SMC3: variants seen among roughly 807,000 people sequenced by gnomAD.
The protein encoded by SMC3 is structural maintenance of chromosomes 3.
A neutral mutation model predicts 171.8 loss-of-function variants in SMC3; 20 were observed. The ratio of observed to expected loss-of-function variants is 0.12; its 90% CI spans 0.08 to 0.17. The LOEUF is 0.17. SMC3 is among the 10% of genes least tolerant of loss of function. The pLI, the probability that SMC3 is intolerant of heterozygous loss-of-function variation, is 1.00. For synonymous variants in SMC3, 464 were observed against 451.1 expected, an observed-to-expected ratio of 1.03 and a Z score of -0.36; for missense variants, 543 against 1,420.4, an observed-to-expected ratio of 0.38 and a Z score of 9.93.
Position 110,578,611 on chromosome 10 carries a change from T to C in SMC3, c.351-17T>C. The C allele has an allele frequency of 6.3e-7, 1 of 1,588,918 alleles. No homozygotes were observed. Among genetic ancestry groups the C allele is most frequent in the Non-Finnish European group, 8.6e-7 (1 of 1,161,984 alleles). On this transcript the variant is annotated splice_polypyrimidine_tract_variant and intron_variant, in intron 6 of 28. Transcript: ENST00000361804. Reference sequence around the variant, plus strand: ...TAAAATTATTTATCGGAAAGTAATTTCATTGTTTGTCAACAGGAAAAATGA... The same window carrying C: ...TAAAATTATTTATCGGAAAGTAATTCCATTGTTTGTCAACAGGAAAAATGA...
chr10:110,576,906 G>T (rs1860958838), intron 4 of SMC3, among the ~76,000 whole-genome samples: 1 of 152,074 alleles, frequency 6.6e-6, no homozygotes. Context: ...ACTGTAGAAT[G>T]TCTCAATTTT....
intron 12 of SMC3, 109 bp from the exon 13 acceptor site, chr10:110,584,074 A>G: frequency 4.6e-6 from 7 of 1,528,782 alleles, no homozygotes; most frequent in Non-Finnish European, 6.3e-6. Context: ...TTCTTTTTGT[A>G]TCTTTTTGAA....
At chr10:110,576,045 C>T (rs561337781) in intron 4 of SMC3, among the ~76,000 whole-genome samples, 11 of 152,278 alleles carry the variant, frequency 7.2e-5, no homozygotes, top group Admixed American at 3.9e-4. Flanking sequence ...TGTTCTGCAA[C>T]TTACAGCGGG....
chr10:110,593,501 G>GGCAGTGGTT (rs936036332), intron 18 of SMC3, among the ~76,000 whole-genome samples: 14 of 152,240 alleles, frequency 9.2e-5, no homozygotes, highest in African/African-American at 3.1e-4. Context: ...GAACCTGGGA[G>GGCAGTGGTT]GCAGTGGTTG....
intron 18 of SMC3, among the ~76,000 whole-genome samples, chr10:110,595,583 G>A (rs2134743776): frequency 6.6e-6 from 1 of 152,264 alleles, no homozygotes; most frequent in East Asian, 1.9e-4. Context: ...AGTTGCTTTA[G>A]CACTTTGTTG....
At position 110,582,594 on chromosome 10, in the gene SMC3, A is replaced by G; in HGVS notation, c.756A>G (p.Lys252=). 6.2e-7 allele frequency: 1 copy of G among 1,613,912 alleles called. No homozygotes were observed. The highest frequency in any genetic ancestry group is 1.1e-5 in the South Asian group (1 of 91,078). ...CTAAGCGAGAGACTAGTGGAGAAAA[A>G]TCCAGACAATTAAGAGATGCTCAGC... ...LSAKRETSGE[K]SRQLRDAQQD... The change falls in exon 10 of 29, where the codon AAA becomes AAG. Residue 252 remains lysine, a synonymous_variant. Transcript: ENST00000361804.
intron 13 of SMC3, among the ~76,000 whole-genome samples, chr10:110,586,176 TAAAG>T (rs1343258834): frequency 6.6e-6 from 1 of 152,208 alleles, no homozygotes; most frequent in South Asian, 2.1e-4. Context: ...AGTGAAGTTT[TAAAG>T]AAAGAGCTGT....
intron 19 of SMC3, 66 bp downstream of exon 19, chr10:110,596,616 TATA>T: frequency 3.4e-6 from 5 of 1,456,268 alleles, no homozygotes; most frequent in Non-Finnish European, 4.7e-6. Context: ...GGTTGCCATA[TATA>T]ATCTTTTGTT....
Position 110,589,975 on chromosome 10 carries a change from G to C in SMC3, c.1493G>C (p.Arg498Thr). ...CTTGAAAAGAAGCAACAACTTCTTAGAGCAGCAACAGGAAAGGTGGGCAGG... is the reference window on the plus strand; with the variant it reads ...CTTGAAAAGAAGCAACAACTTCTTACAGCAGCAACAGGAAAGGTGGGCAGG... The part of the protein sequence containing the change: ...EDLEKKQQLL[R>T]AATGKAILNG... The change falls in exon 15 of 29, where the codon AGA becomes ACA. Residue 498 changes from arginine (R) to threonine (T), a missense_variant. This residue lies in a region of SMC3 where 218 missense variants were observed against 509.6 expected (regional missense o/e 0.43). Transcript: ENST00000361804. The C allele has an allele frequency of 6.2e-7, 1 of 1,613,886 alleles. No individual in the cohort carries two copies. Among genetic ancestry groups the C allele is most frequent in the Non-Finnish European group, 8.5e-7 (1 of 1,179,936 alleles).
chr10:110,596,680 G>A (rs950414882), intron 19 of SMC3, 130 bp downstream of exon 19: 1 of 854,558 alleles, frequency 1.2e-6, no homozygotes, highest in Admixed American at 3.0e-5. Flanking sequence ...GCTTATGTTT[G>A]TTTAGCTTTT....
At chr10:110,575,521 C>A (rs1218208911) in intron 4 of SMC3, 118 bp downstream of exon 4, 2 of 804,814 alleles carry the variant, frequency 2.5e-6, no homozygotes, top group East Asian at 5.4e-5. Context: ...AAGACACAAT[C>A]TTTCTCATAA....
chr10:110,599,550 T>TA (rs548319880), intron 20 of SMC3, 104 bp from the exon 21 acceptor site: 520 of 971,412 alleles, frequency 5.4e-4, no homozygotes, highest in Non-Finnish European at 7.7e-4. Flanking sequence ...TTTGAGTTGA[T>TA]ATGTCTATAT....
intron 13 of SMC3, 105 bp downstream of exon 13, chr10:110,584,501 T>C (rs1217658709): frequency 1.3e-6 from 1 of 761,478 alleles, no homozygotes; most frequent in African/African-American, 1.8e-5. Flanking sequence ...CATGTTGCTC[T>C]TAAAATATAT....
intron 12 of SMC3, 52 bp downstream of exon 12, chr10:110,584,014 C>G (rs770651530): frequency 1.2e-6 from 2 of 1,602,974 alleles, no homozygotes; most frequent in Non-Finnish European, 1.7e-6. Context: ...TTATGTAAAA[C>G]TAGGTTGTCC....
intron 13 of SMC3, among the ~76,000 whole-genome samples, chr10:110,587,477 C>A (rs1861139396): frequency 6.6e-6 from 1 of 152,046 alleles, no homozygotes; most frequent in African/African-American, 2.4e-5. Flanking sequence ...GTCAGGAGAT[C>A]GAGACCATCC....
chr10:110,586,298 A>C (rs1176642643), intron 13 of SMC3, among the ~76,000 whole-genome samples: 2 of 152,174 alleles, frequency 1.3e-5, no homozygotes, highest in East Asian at 1.9e-4. Context: ...AATTGCGAGG[A>C]GTGTAGCCTG....
intron 10 of SMC3, 137 bp downstream of exon 10, chr10:110,582,779 T>C: frequency 2.9e-6 from 2 of 695,366 alleles, no homozygotes; most frequent in Non-Finnish European, 5.3e-6. Flanking sequence ...GGCAATCCTC[T>C]TGCCGCAGCT....
At chr10:110,589,430 CCA>C (rs1861174783) in intron 13 of SMC3, among the ~76,000 whole-genome samples, 173 bp from the exon 14 acceptor site, 1 of 152,112 alleles carries the variant, frequency 6.6e-6, no homozygotes, top group Admixed American at 6.5e-5. Flanking sequence ...ACACCACACA[CCA>C]CAGTTAAGAC....
rs7069866 is a variant in SMC3 at position 110,586,068 on chromosome 10, T to C, written c.1305+1672T>C. On this transcript the variant is annotated intron_variant, in intron 13 of 28. Coordinates refer to ENST00000361804, the MANE Select transcript of SMC3 (RefSeq NM_005445.4). ...GCCTCGGCCTCCCAAAGTGCTGGGA[T>C]TATAGGTGTGAGCCACCATGCCTGG... Among the ~76,000 whole-genome samples, 1,240 of 152,304 alleles carry C rather than the reference T, an allele frequency of 8.1e-3. 25 individuals are homozygous for C. The highest frequency in any genetic ancestry group is 0.029 in the African/African-American group (1,185 of 41,558).
Sources: gnomAD v4.1 joint callset for allele counts (sites outside exome capture counted in the v4.1 genomes callset) on GRCh38, gnomAD v4.1.1 for gene constraint, gnomAD v4.1.1 regional missense constraint, MANE v1.5 for transcripts, NCBI Gene and HGNC (gene_info 2026-07-23, HGNC 2026-07-21) for gene names.